CNTNAP5: variants seen among roughly 807,000 people sequenced by gnomAD.
CNTNAP5 encodes contactin associated protein family member 5.
In CNTNAP5, 72 loss-of-function variants were observed where a neutral mutation model predicts 150.2. The observed-to-expected ratio is 0.48, with a 90% confidence interval of 0.40 to 0.58. The LOEUF is 0.58. CNTNAP5 is among the 20% of genes least tolerant of loss of function. The pLI, the probability that CNTNAP5 is intolerant of heterozygous loss-of-function variation, is 0.00. For synonymous variants in CNTNAP5, 672 were observed against 619.8 expected (o/e 1.08, Z -1.25); for missense variants, 1,636 against 1,626.2 (o/e 1.01, Z -0.10).
intron 3 of CNTNAP5, among the ~76,000 whole-genome samples, chr2:124,399,645 T>C (rs539912695): frequency 1.3e-5 from 2 of 152,206 alleles, no homozygotes; most frequent in Non-Finnish European, 2.9e-5. Flanking sequence ...GTCAATTAAA[T>C]GTAAAGGATG....
intron 11 of CNTNAP5, among the ~76,000 whole-genome samples, chr2:124,563,544 C>G (rs1216252901): frequency 1.3e-5 from 2 of 152,116 alleles, no homozygotes; most frequent in Non-Finnish European, 2.9e-5. Flanking sequence ...GCAAGACAGG[C>G]AGGAAATGAG....
chr2:124,269,907 T>A (rs1314474856), intron 3 of CNTNAP5, among the ~76,000 whole-genome samples: 3 of 152,208 alleles, frequency 2.0e-5, no homozygotes, highest in Non-Finnish European at 4.4e-5. Context: ...TTTGGTCAGA[T>A]CGATATCCCA....
intron 6 of CNTNAP5, among the ~76,000 whole-genome samples, chr2:124,448,737 G>A (rs1184020265): frequency 2.0e-5 from 3 of 152,060 alleles, no homozygotes; most frequent in African/African-American, 4.8e-5. Flanking sequence ...AAGAATATAT[G>A]ACAGAGACTC....
At position 124,044,281 on chromosome 2, in the gene CNTNAP5, GT is replaced by G. The variant is rs1681469192; in HGVS notation, c.82+18552del. On this transcript the variant is annotated intron_variant, in intron 1 of 23. Coordinates refer to ENST00000682447, the MANE Select transcript of CNTNAP5 (RefSeq NM_001367498.1). ...TTACTTTTTAGATGAATAAATTTAT[GT>G]TTAGAGTGTCCAAGTAACTTTCTTA... is the stretch of plus-strand genomic sequence containing the variant. 3.3e-5 allele frequency among the ~76,000 whole-genome samples: 5 copies of G among 152,194 alleles called. No homozygotes were observed. In the South Asian group the frequency reaches 1.0e-3, roughly 32 times the overall value.
intron 13 of CNTNAP5, among the ~76,000 whole-genome samples, chr2:124,696,720 G>A (rs191675254): frequency 7.2e-5 from 11 of 152,308 alleles, no homozygotes; most frequent in Admixed American, 5.9e-4. Context: ...AGGTGAGCGT[G>A]TCAAATAATA....
In CNTNAP5 at chr2:124,907,759, T is replaced by C. The variant is rs114191828; in HGVS notation, c.3656-3708T>C. Among the ~76,000 whole-genome samples the C allele has an allele frequency of 2.0e-3, 304 of 151,248 alleles. 2 individuals carry two copies. Among genetic ancestry groups the C allele is most frequent in the African/African-American group, 7.0e-3 (287 of 41,284 alleles). On this transcript the variant is annotated intron_variant, in intron 22 of 23. Coordinates refer to ENST00000682447, the MANE Select transcript of CNTNAP5 (RefSeq NM_001367498.1). ...AGTACTATTGAAATAAATGAATAAC[T>C]ACCCCAAGGGTTACTTTGCCGAAGG... is the stretch of plus-strand genomic sequence containing the variant.
At chr2:124,391,913 G>A (rs567290662) in intron 3 of CNTNAP5, among the ~76,000 whole-genome samples, 4 of 151,916 alleles carry the variant, frequency 2.6e-5, no homozygotes, top group Non-Finnish European at 5.9e-5. Context: ...CCGAGATCGC[G>A]CCACTGCACT....
chr2:124,336,947 C>T (rs1487493499), intron 3 of CNTNAP5, among the ~76,000 whole-genome samples: 2 of 152,114 alleles, frequency 1.3e-5, no homozygotes, highest in Non-Finnish European at 2.9e-5. Context: ...GAGGAATCGC[C>T]ACACTGATTT....
chr2:124,390,397 A>G (rs968831534), intron 3 of CNTNAP5, among the ~76,000 whole-genome samples: 18 of 152,246 alleles, frequency 1.2e-4, no homozygotes, highest in African/African-American at 4.3e-4. Context: ...GCACAGAATT[A>G]TCTACTAAAA....
intron 2 of CNTNAP5, among the ~76,000 whole-genome samples, chr2:124,230,296 G>C (rs1686582710): frequency 6.6e-6 from 1 of 151,896 alleles, no homozygotes; most frequent in Non-Finnish European, 1.5e-5. Flanking sequence ...CAAAAATCAG[G>C]GTTCATTTGC....
intron 1 of CNTNAP5, among the ~76,000 whole-genome samples, chr2:124,054,849 T>C (rs1010607294): frequency 7.9e-5 from 12 of 152,166 alleles, no homozygotes; most frequent in Admixed American, 6.5e-4. Context: ...TAGAACTTTT[T>C]TGATTTTCAA....
At chr2:124,436,989 G>T (rs1024230783) in intron 5 of CNTNAP5, among the ~76,000 whole-genome samples, 1 of 152,158 alleles carries the variant, frequency 6.6e-6, no homozygotes, top group African/African-American at 2.4e-5. Context: ...CACTGCCACA[G>T]ATTAGTACTT....
chr2:124,890,150 T>C (rs879935035), intron 21 of CNTNAP5, among the ~76,000 whole-genome samples: 3 of 152,100 alleles, frequency 2.0e-5, no homozygotes, highest in Non-Finnish European at 4.4e-5. Context: ...GTACATGCTA[T>C]TGGTGCTCTA....
chr2:124,698,186 G>A (rs1440507074), intron 13 of CNTNAP5, among the ~76,000 whole-genome samples: 1 of 152,062 alleles, frequency 6.6e-6, no homozygotes, highest in East Asian at 1.9e-4. Flanking sequence ...TGGGTTTGAG[G>A]TGGACTAGAC....
At chr2:124,121,137 T>TACACACACACAC (rs3981152) in intron 1 of CNTNAP5, among the ~76,000 whole-genome samples, 3 of 148,752 alleles carry the variant, frequency 2.0e-5, no homozygotes, top group African/African-American at 7.4e-5. Flanking sequence ...CTTATTGCCA[T>TACACACACACAC]ACACACACAC....
At position 124,910,948 on chromosome 2, in the gene CNTNAP5, G is replaced by T. The variant is rs140432328; in HGVS notation, c.3656-519G>T. ...AGCAAAGACTCAGATTAAGGCCTGCGTACCCTTAAACTTGATGCTTTTTCT... is the reference window on the plus strand; with the variant it reads ...AGCAAAGACTCAGATTAAGGCCTGCTTACCCTTAAACTTGATGCTTTTTCT... On this transcript the variant is annotated intron_variant, in intron 22 of 23. Transcript: ENST00000682447. 2.0e-5 allele frequency among the ~76,000 whole-genome samples: 3 copies of T among 151,926 alleles called. No individual in the cohort carries two copies. The South Asian group carries it at 6.2e-4, about 32-fold the overall frequency.
intron 1 of CNTNAP5, among the ~76,000 whole-genome samples, chr2:124,094,896 A>G (rs1283558206): frequency 1.3e-5 from 2 of 152,120 alleles, no homozygotes; most frequent in African/African-American, 4.8e-5. Flanking sequence ...GTACAGGGAA[A>G]ATCAAAACAC....
intron 1 of CNTNAP5, among the ~76,000 whole-genome samples, chr2:124,068,496 T>C (rs1195357028): frequency 6.6e-6 from 1 of 152,122 alleles, no homozygotes; most frequent in Non-Finnish European, 1.5e-5. Context: ...AAATGCTCTA[T>C]GGTCCTAGGT....
At chr2:124,568,208 C>T (rs1449221468) in intron 11 of CNTNAP5, among the ~76,000 whole-genome samples, 1 of 152,144 alleles carries the variant, frequency 6.6e-6, no homozygotes, top group East Asian at 1.9e-4. Flanking sequence ...ATTGAAAATA[C>T]AGTTCTAGAA....
Sources: allele counts gnomAD v4.1 joint callset (sites outside exome capture counted in the v4.1 genomes callset), GRCh38; gene constraint gnomAD v4.1.1; transcripts MANE v1.5; gene names NCBI Gene and HGNC (gene_info 2026-07-23, HGNC 2026-07-21).